The following PCDHGB7 variants were observed in gnomAD, a reference collection of about 807,000 sequenced individuals.
The protein encoded by PCDHGB7 is protocadherin gamma-B7.
PCDHGB7 carries 37 observed loss-of-function variants against 61.4 expected under a neutral mutation model. That is an observed-to-expected ratio of 0.60 (90% CI 0.46 to 0.79). PCDHGB7 has a LOEUF of 0.79. Ranked by LOEUF, PCDHGB7 falls within the 30% of genes least tolerant of loss-of-function variation. The pLI, the probability that PCDHGB7 is intolerant of heterozygous loss-of-function variation, is 0.00. For synonymous variants in PCDHGB7, 464 were observed against 503.5 expected, an observed-to-expected ratio of 0.92 and a Z score of 1.05; for missense variants, 1,166 against 1,202.5, an observed-to-expected ratio of 0.97 and a Z score of 0.45.
intron 1 of PCDHGB7, chr5:141,423,339 C>T (rs1393650718): frequency 6.2e-7 from 1 of 1,614,072 alleles, no homozygotes; most frequent in Non-Finnish European, 8.5e-7. Flanking sequence ...TCTCCTGCAT[C>T]TTCCTGGTCT....
At chr5:141,428,091 T>C (rs769710543) in intron 1 of PCDHGB7, 2 of 1,609,000 alleles carry the variant, frequency 1.2e-6, no homozygotes, top group East Asian at 2.2e-5. Flanking sequence ...CGCTTGGCTG[T>C]CCTACCACGT....
rs1236074950 is a variant in PCDHGB7 at position 141,489,119 on chromosome 5, C to G, written c.2416-5688C>G. On this transcript the variant is annotated intron_variant, in intron 1 of 3. Transcript: ENST00000398594. This position sits in a 1 kb window ranked among gnomAD's most constrained non-coding sequence, Gnocchi z 4.5. ...GAACTGCTGCAAGCAGGCAAACCTC[C>G]GAGCAGTTTTTAAGAGGCTGGAAGG... The G allele has an allele frequency of 1.5e-6, 1 of 650,358 alleles. No individual in the cohort carries two copies. Among genetic ancestry groups the G allele is most frequent in the Non-Finnish European group, 2.5e-6 (1 of 400,690 alleles). The allele number at this position is 650,358 out of a possible 1,614,324, so 40.3% of individuals were successfully genotyped here. A position where few individuals can be genotyped will look rare whatever the true frequency, so the allele number is the denominator to read the frequency against.
chr5:141,497,892 C>T (rs2099780275), intron 2 of PCDHGB7, among the ~76,000 whole-genome samples: 1 of 152,138 alleles, frequency 6.6e-6, no homozygotes, highest in Admixed American at 6.6e-5. Flanking sequence ...AGGATCTAGT[C>T]CAGTAACTTC....
At chr5:141,440,770 G>A (rs2098199385) in intron 1 of PCDHGB7, 1 of 152,176 alleles carries the variant, frequency 6.6e-6, no homozygotes, top group African/African-American at 2.4e-5. Flanking sequence ...CCATCCCTTA[G>A]TGCTAGCAGC....
At position 141,491,502 on chromosome 5, in the gene PCDHGB7, C is replaced by G. The variant is rs751961360; in HGVS notation, c.2416-3305C>G. 1.4e-5 allele frequency: 23 copies of G among 1,614,080 alleles called. No homozygotes were observed. Among genetic ancestry groups the G allele is most frequent in the Non-Finnish European group, 1.8e-5 (21 of 1,180,006 alleles). ...GCCCCAACCTGCAGGTGAGCTCGGA[C>G]GGCACGCTCAAGTACATGGAGGTGA... On this transcript the variant is annotated intron_variant, in intron 1 of 3. Coordinates refer to ENST00000398594, the MANE Select transcript of PCDHGB7 (RefSeq NM_018927.4). This position sits in a 1 kb window ranked among gnomAD's most constrained non-coding sequence, Gnocchi z 6.9.
intron 1 of PCDHGB7, among the ~76,000 whole-genome samples, chr5:141,456,124 C>G (rs2098844023): frequency 6.6e-6 from 1 of 152,072 alleles, no homozygotes. Context: ...GTCTCCATCT[C>G]CTGACCTCCT....
chr5:141,510,633 TACCA>T (rs2099882032), intron 3 of PCDHGB7, among the ~76,000 whole-genome samples: 1 of 152,110 alleles, frequency 6.6e-6, no homozygotes, highest in Admixed American at 6.6e-5. Flanking sequence ...AAGAGGTGGT[TACCA>T]TTATCATCCC....
chr5:141,429,487 C>G (rs2097218311), intron 1 of PCDHGB7, among the ~76,000 whole-genome samples: 1 of 151,822 alleles, frequency 6.6e-6, no homozygotes, highest in Non-Finnish European at 1.5e-5. Flanking sequence ...GTAGCTGAGA[C>G]TACAGTTGCC....
intron 2 of PCDHGB7, among the ~76,000 whole-genome samples, chr5:141,497,393 CT>C (rs1035907100): frequency 2.1e-4 from 32 of 152,254 alleles, no homozygotes; most frequent in African/African-American, 7.5e-4. Context: ...CACCTTACCC[CT>C]GCCTCAACTC....
At chr5:141,501,312 C>T (rs2099807672) in intron 2 of PCDHGB7, among the ~76,000 whole-genome samples, 1 of 151,778 alleles carries the variant, frequency 6.6e-6, no homozygotes, top group South Asian at 2.1e-4. Context: ...CACACACACA[C>T]ACACACACAC....
At chr5:141,492,705 C>T (rs2099743225) in intron 1 of PCDHGB7, among the ~76,000 whole-genome samples, 1 of 152,258 alleles carries the variant, frequency 6.6e-6, no homozygotes, top group South Asian at 2.1e-4. Flanking sequence ...ACCCAGAAGC[C>T]TCGAGCAGGC....
intron 3 of PCDHGB7, among the ~76,000 whole-genome samples, chr5:141,509,437 C>T (rs923580110): frequency 2.6e-5 from 4 of 152,104 alleles, no homozygotes; most frequent in African/African-American, 9.7e-5. Context: ...ACTCTTGTTT[C>T]CTCCTCTCCC....
Position 141,425,952 on chromosome 5 carries a change from T to C in PCDHGB7, c.2415+5678T>C, listed in dbSNP as rs1047436598. 3.9e-5 allele frequency among the ~76,000 whole-genome samples: 6 copies of C among 152,364 alleles called. No individual in the cohort carries two copies. In the South Asian group the frequency reaches 8.3e-4, roughly 21 times the overall value. ...ATAAAATGTCTAGTTTCCTATACATTAGTCCAACACATCAGTCTAATTCTG... is the reference window on the plus strand; with the variant it reads ...ATAAAATGTCTAGTTTCCTATACATCAGTCCAACACATCAGTCTAATTCTG... On this transcript the variant is annotated intron_variant, in intron 1 of 3. Coordinates refer to ENST00000398594, the MANE Select transcript of PCDHGB7 (RefSeq NM_018927.4).
intron 1 of PCDHGB7, among the ~76,000 whole-genome samples, chr5:141,488,236 T>A (rs1333427955): frequency 6.6e-6 from 1 of 152,154 alleles, no homozygotes; most frequent in Admixed American, 6.5e-5. Context: ...TTGAACTAGA[T>A]GCGGTAAATT....
At position 141,476,396 on chromosome 5, in the gene PCDHGB7, C is replaced by A; in HGVS notation, c.2416-18411C>A. The A allele has an allele frequency of 6.2e-7, 1 of 1,614,032 alleles. No homozygotes were observed. Among genetic ancestry groups the A allele is most frequent in the Non-Finnish European group, 8.5e-7 (1 of 1,180,020 alleles). Reference sequence around the variant, plus strand: ...GATGTTTGTGAACGACCGTCTGGATCGAGAGGAGCTGTGTGGGACACTGCC... The same window carrying A: ...GATGTTTGTGAACGACCGTCTGGATAGAGAGGAGCTGTGTGGGACACTGCC... On this transcript the variant is annotated intron_variant, in intron 1 of 3. Transcript: ENST00000398594. The surrounding 1 kb of genome is among the most constrained non-coding windows in gnomAD (Gnocchi z 7.6).
chr5:141,501,025 C>T (rs999221755), intron 2 of PCDHGB7, among the ~76,000 whole-genome samples: 94 of 152,100 alleles, frequency 6.2e-4, no homozygotes, highest in East Asian at 1.9e-3. Flanking sequence ...CGCGCCACCA[C>T]GCCCAGCTAA....
chr5:141,472,673 C>T (rs2099292538), intron 1 of PCDHGB7, among the ~76,000 whole-genome samples: 3 of 151,340 alleles, frequency 2.0e-5, no homozygotes, highest in Admixed American at 2.0e-4. Context: ...GTATACTGGT[C>T]CTTCCATTTC....
At position 141,477,197 on chromosome 5, in the gene PCDHGB7, G is replaced by A. The variant is rs781504885; in HGVS notation, c.2416-17610G>A. ...CACAGTCACCTCCGTGTACAGCCCA[G>A]TACCCGAGGATGCCCCTCTGGGGAC... On this transcript the variant is annotated intron_variant, in intron 1 of 3. Coordinates refer to ENST00000398594, the MANE Select transcript of PCDHGB7 (RefSeq NM_018927.4). The surrounding 1 kb of genome is among the most constrained non-coding windows in gnomAD (Gnocchi z 4.9). 1 of 1,614,210 alleles carries A rather than the reference G, an allele frequency of 6.2e-7. No homozygotes were observed. Among genetic ancestry groups the A allele is most frequent in the East Asian group, 2.2e-5 (1 of 44,874 alleles).
chr5:141,460,553 C>A (rs2098991893), intron 1 of PCDHGB7, among the ~76,000 whole-genome samples: 1 of 152,032 alleles, frequency 6.6e-6, no homozygotes. Context: ...AATCAAAAAT[C>A]ATTTGGCCAT....
Sources: gnomAD v4.1 joint callset for allele counts (sites outside exome capture counted in the v4.1 genomes callset) on GRCh38, gnomAD v4.1.1 for gene constraint, Gnocchi (gnomAD v3.1) non-coding constraint, MANE v1.5 for transcripts, NCBI Gene and HGNC (gene_info 2026-07-23, HGNC 2026-07-21) for gene names.